The following PLCB1 variants were observed in gnomAD, a reference collection of about 807,000 sequenced individuals.
PLCB1 encodes the protein 1-phosphatidylinositol 4,5-bisphosphate phosphodiesterase beta-1.
In PLCB1, 46 loss-of-function variants were observed where a neutral mutation model predicts 161.8. The observed-to-expected ratio is 0.28, with a 90% CI of 0.22 to 0.36. The LOEUF (loss-of-function observed/expected upper bound fraction) is 0.36. Ranked by LOEUF, PLCB1 falls within the 10% of genes least tolerant of loss-of-function variation. The pLI is 1.00. For synonymous variants in PLCB1, 517 were observed against 503.7 expected (o/e 1.03, Z -0.35); for missense variants, 1,016 against 1,472.5 (o/e 0.69, Z 5.07).
intron 31 of PLCB1, among the ~76,000 whole-genome samples, chr20:8,858,365 G>A (rs569490613): frequency 3.9e-5 from 6 of 152,270 alleles, no homozygotes; most frequent in Admixed American, 6.5e-5. Flanking sequence ...GTTCTGACAA[G>A]TTACAAGAAT....
chr20:8,638,992 T>C (rs1053992245), intron 4 of PLCB1, among the ~76,000 whole-genome samples: 2 of 152,208 alleles, frequency 1.3e-5, no homozygotes, highest in Non-Finnish European at 2.9e-5. Context: ...TTTTTTCTCA[T>C]GTAGCCGGAA....
At chr20:8,323,626 G>T (rs974319954) in intron 2 of PLCB1, among the ~76,000 whole-genome samples, 2 of 152,152 alleles carry the variant, frequency 1.3e-5, no homozygotes, top group Non-Finnish European at 2.9e-5. Context: ...GGGAGCACCA[G>T]GCAATAGCTG....
chr20:8,175,147 A>T (rs1468703235), intron 2 of PLCB1, among the ~76,000 whole-genome samples: 1 of 152,088 alleles, frequency 6.6e-6, no homozygotes, highest in Non-Finnish European at 1.5e-5. Context: ...CTTACACTTA[A>T]AAAATTTATA....
chr20:8,647,489 T>G (rs1399577873), intron 5 of PLCB1, among the ~76,000 whole-genome samples: 1 of 152,196 alleles, frequency 6.6e-6, no homozygotes, highest in African/African-American at 2.4e-5. Flanking sequence ...GAATTCCCAA[T>G]GTATGCATCC....
chr20:8,238,727 G>C (rs1009363272), intron 2 of PLCB1, among the ~76,000 whole-genome samples: 2 of 151,954 alleles, frequency 1.3e-5, no homozygotes, highest in African/African-American at 4.8e-5. Flanking sequence ...GGGCAAAATT[G>C]CGGGAAGTGT....
At chr20:8,241,089 G>T (rs1004481060) in intron 2 of PLCB1, among the ~76,000 whole-genome samples, 4 of 151,712 alleles carry the variant, frequency 2.6e-5, no homozygotes, top group Admixed American at 2.6e-4. Flanking sequence ...TCATGTTTTG[G>T]GTATTTCCTA....
intron 31 of PLCB1, among the ~76,000 whole-genome samples, chr20:8,822,467 C>G (rs1470719287): frequency 6.6e-6 from 1 of 152,108 alleles, no homozygotes; most frequent in Non-Finnish European, 1.5e-5. Context: ...GATCTGGAAG[C>G]TAAGTTGCCA....
intron 31 of PLCB1, among the ~76,000 whole-genome samples, chr20:8,871,042 CA>C: frequency 6.6e-6 from 1 of 152,270 alleles, no homozygotes; most frequent in East Asian, 1.9e-4. Flanking sequence ...TGCATCTTAA[CA>C]AAATCCCCAG....
intron 2 of PLCB1, among the ~76,000 whole-genome samples, chr20:8,314,448 A>G (rs951880713): frequency 3.3e-5 from 5 of 152,232 alleles, no homozygotes; most frequent in Admixed American, 2.6e-4. Flanking sequence ...AATAATAGGC[A>G]GTATTATGCC....
intron 2 of PLCB1, among the ~76,000 whole-genome samples, chr20:8,294,196 G>A (rs977922916): frequency 2.6e-5 from 4 of 152,012 alleles, no homozygotes; most frequent in African/African-American, 9.7e-5. Context: ...AAATATCCCA[G>A]TTTACAAAAA....
intron 4 of PLCB1, among the ~76,000 whole-genome samples, chr20:8,644,374 C>T (rs1273259411): frequency 1.4e-5 from 2 of 144,406 alleles, no homozygotes; most frequent in Non-Finnish European, 3.0e-5. Flanking sequence ...GGCCGCCATC[C>T]CATCTAGGAA....
intron 27 of PLCB1, among the ~76,000 whole-genome samples, chr20:8,776,299 T>G (rs2146205748): frequency 6.6e-6 from 1 of 152,318 alleles, no homozygotes; most frequent in Admixed American, 6.5e-5. Flanking sequence ...TTCCCAAGGA[T>G]CCACAACTGG....
intron 2 of PLCB1, among the ~76,000 whole-genome samples, chr20:8,340,963 C>T (rs1442982185): frequency 6.6e-6 from 1 of 152,158 alleles, no homozygotes; most frequent in African/African-American, 2.4e-5. Context: ...TCTTCCTTGG[C>T]CCTGCTATTT....
rs910773337 is a variant in PLCB1 at position 8,383,171 on chromosome 20, C to T, written c.246+11721C>T. On this transcript the variant is annotated intron_variant, in intron 3 of 31. Coordinates refer to ENST00000338037, the MANE Select transcript of PLCB1 (RefSeq NM_015192.4). The stretch of plus-strand genomic sequence containing the variant: ...AACAAGTATTGTATGGGAATCTCTG[C>T]GTCTCTTTGTAGGTCTCTAAGAACA... Among the ~76,000 whole-genome samples, 65 of 152,146 alleles carry T rather than the reference C, an allele frequency of 4.3e-4. 2 individuals are homozygous for T. The highest frequency in any genetic ancestry group is 8.8e-5 in the Non-Finnish European group (6 of 68,014).
intron 2 of PLCB1, among the ~76,000 whole-genome samples, chr20:8,369,439 T>C (rs1986829646): frequency 6.6e-6 from 1 of 152,260 alleles, no homozygotes; most frequent in African/African-American, 2.4e-5. Flanking sequence ...GCTGTAGAGA[T>C]GAAGAAACCT....
chr20:8,529,767 G>T (rs541809078), intron 3 of PLCB1, among the ~76,000 whole-genome samples: 1 of 151,998 alleles, frequency 6.6e-6, no homozygotes, highest in Non-Finnish European at 1.5e-5. Flanking sequence ...TTTAACGTAC[G>T]TTTCTGTGCT....
chr20:8,306,819 G>A (rs1984156429), intron 2 of PLCB1, among the ~76,000 whole-genome samples: 1 of 152,142 alleles, frequency 6.6e-6, no homozygotes, highest in African/African-American at 2.4e-5. Context: ...CTCTTTAAAA[G>A]CTAAACCATG....
At chr20:8,135,880 A>G (rs766129501) in intron 1 of PLCB1, among the ~76,000 whole-genome samples, 4 of 152,164 alleles carry the variant, frequency 2.6e-5, no homozygotes, top group Non-Finnish European at 4.4e-5. Flanking sequence ...TGAGGTAGAC[A>G]GTGGAAGGAG....
intron 3 of PLCB1, among the ~76,000 whole-genome samples, chr20:8,532,399 G>T (rs1984850372): frequency 6.6e-6 from 1 of 152,162 alleles, no homozygotes; most frequent in African/African-American, 2.4e-5. Flanking sequence ...TATGGTTTAT[G>T]CCACCTGGCC....
Sources: allele counts gnomAD v4.1 joint callset (sites outside exome capture counted in the v4.1 genomes callset), GRCh38; gene constraint gnomAD v4.1.1; transcripts MANE v1.5; gene names NCBI Gene and HGNC (gene_info 2026-07-23, HGNC 2026-07-21).